The following HAUS4 variants were observed in gnomAD, a reference collection of about 807,000 sequenced individuals.
HAUS4 encodes HAUS augmin-like complex subunit 4.
Under a neutral mutation model 50.6 loss-of-function variants are expected in HAUS4, and 34 were observed. The ratio of observed to expected loss-of-function variants is 0.67; its 90% CI spans 0.51 to 0.90. The LOEUF (loss-of-function observed/expected upper bound fraction) is 0.90. Ranked by LOEUF, HAUS4 falls within the 40% of genes least tolerant of loss-of-function variation. The pLI, the probability that HAUS4 is intolerant of heterozygous loss-of-function variation, is 0.00. For missense variants in HAUS4, 370 were observed against 428.7 expected (o/e 0.86, Z 1.21); for synonymous variants, 149 against 161.4 (o/e 0.92, Z 0.58).
At chr14:22,956,517 GTTT>G (rs2044867841) in intron 1 of HAUS4, among the ~76,000 whole-genome samples, 1 of 152,246 alleles carries the variant, frequency 6.6e-6, no homozygotes, top group Admixed American at 6.5e-5. Flanking sequence ...GTCCCCTTGC[GTTT>G]TTTAGGGTGC....
intron 2 of HAUS4, among the ~76,000 whole-genome samples, chr14:22,953,567 T>G (rs1477753503): frequency 6.6e-6 from 1 of 151,986 alleles, no homozygotes; most frequent in African/African-American, 2.4e-5. Flanking sequence ...TGCCTCAGCC[T>G]CCCGAGTAGC....
rs1231182736 is a variant in HAUS4 at position 22,951,580 on chromosome 14, A to C, written c.440T>G (p.Leu147Arg). Reference protein sequence around the residue: ...PPLLGLEKADLLELMPLSEDF... With the variant: ...PPLLGLEKADRLELMPLSEDF... ...CTCTGAGAGTGGCATGAGTTCCAGA[A>C]GGTCCGCTTTCTCCAGCCCCAGCAG... The change falls in exon 5 of 10, where the codon CTT (leucine) becomes CGT (arginine). Residue 147 changes from leucine (L) to arginine (R), a missense_variant. Coordinates refer to ENST00000541587, the MANE Select transcript of HAUS4 (RefSeq NM_001166269.2). 6.2e-7 allele frequency: 1 copy of C among 1,614,036 alleles called. No individual in the cohort carries two copies. Among genetic ancestry groups the C allele is most frequent in the East Asian group, 2.2e-5 (1 of 44,880 alleles).
chr14:22,948,580 G>A (rs906488291), intron 6 of HAUS4, among the ~76,000 whole-genome samples: 6 of 151,390 alleles, frequency 4.0e-5, no homozygotes, highest in Admixed American at 2.0e-4. Context: ...CTGTCACCTC[G>A]GCCGGAGTGC....
rs769328623 is a variant in HAUS4, at chr14:22,952,478, T to A, written c.199-19A>T. Reference sequence around the variant, plus strand: ...TCCATGCCTAGAAATCCAAAAAATCTCAGGTAGGAACCTCTCTCTCAGGAT... The same window carrying A: ...TCCATGCCTAGAAATCCAAAAAATCACAGGTAGGAACCTCTCTCTCAGGAT... On this transcript the variant is annotated intron_variant, in intron 3 of 9. Transcript: ENST00000541587. The A allele has an allele frequency of 1.4e-5, 23 of 1,613,890 alleles. No homozygotes were observed. Among genetic ancestry groups the A allele is most frequent in the Non-Finnish European group, 1.8e-5 (21 of 1,179,924 alleles).
At chr14:22,956,545 C>G (rs2044868755) in intron 1 of HAUS4, among the ~76,000 whole-genome samples, 1 of 152,166 alleles carries the variant, frequency 6.6e-6, no homozygotes, top group Admixed American at 6.5e-5. Flanking sequence ...CTTTACCCTT[C>G]TTAAAGGTTA....
At chr14:22,950,827 A>G (rs2044739297) in intron 5 of HAUS4, among the ~76,000 whole-genome samples, 1 of 152,222 alleles carries the variant, frequency 6.6e-6, no homozygotes, top group African/African-American at 2.4e-5. Context: ...CAATAAGGTT[A>G]AGCAAATTAT....
At chr14:22,955,322 T>C in intron 1 of HAUS4, 146 bp from the exon 2 acceptor site, 1 of 643,954 alleles carries the variant, frequency 1.6e-6, no homozygotes, top group South Asian at 1.8e-5. Flanking sequence ...ATACCACACA[T>C]CCTGGGTCCC....
In HAUS4 at chr14:22,946,461, C is replaced by T. The variant is rs1770543038; in HGVS notation, c.*64G>A. On this transcript the variant is annotated 3_prime_UTR_variant, in exon 10 of 10. Transcript: ENST00000541587. Reference sequence around the variant, plus strand: ...AGGCAGCCCCAGGTGAAGGTGGTCCCACTAGCAGGAAGATTAGGAGGCAGC... The same window carrying T: ...AGGCAGCCCCAGGTGAAGGTGGTCCTACTAGCAGGAAGATTAGGAGGCAGC... 1.5e-6 allele frequency: 2 copies of T among 1,359,460 alleles called. No homozygotes were observed. Among genetic ancestry groups the T allele is most frequent in the Admixed American group, 4.0e-5 (2 of 50,100 alleles). The allele number at this position is 1,359,460 out of a possible 1,614,324, so 84.2% of individuals were successfully genotyped here.
At chr14:22,952,215 AC>A in intron 4 of HAUS4, 112 bp downstream of exon 4, 1 of 790,778 alleles carries the variant, frequency 1.3e-6, no homozygotes, top group South Asian at 1.6e-5. Context: ...ACGGGGTCTT[AC>A]CATGTTGGCC....
rs1457019853 is a variant in HAUS4 at position 22,946,721 on chromosome 14, G to A, written c.909-13C>T. 6.3e-7 allele frequency: 1 copy of A among 1,590,304 alleles called. No individual in the cohort carries two copies. The highest frequency in any genetic ancestry group is 1.8e-5 in the Admixed American group (1 of 56,278). On this transcript the variant is annotated splice_polypyrimidine_tract_variant and intron_variant, in intron 9 of 9. Transcript: ENST00000541587. ...CTCCAAACGGTCCCTAAGAGCCCGGGCAGAGAAGGCACAATATAAGGGTGC... is the reference window on the plus strand; with the variant it reads ...CTCCAAACGGTCCCTAAGAGCCCGGACAGAGAAGGCACAATATAAGGGTGC...
chr14:22,955,084 A>G lies in HAUS4; in HGVS notation c.55+16T>C, dbSNP rs1033330284. 3 of 1,579,828 alleles carry G rather than the reference A, an allele frequency of 1.9e-6. No individual in the cohort carries two copies. In the African/African-American group the frequency reaches 4.0e-5, roughly 21 times the overall value. On this transcript the variant is annotated intron_variant, in intron 2 of 9. Coordinates refer to ENST00000541587, the MANE Select transcript of HAUS4 (RefSeq NM_001166269.2). ...CTGGATAAATCATCAAACCTTTTGCAAGTGGCTACTCTTACCTTGTTGAAG... is the reference window on the plus strand; with the variant it reads ...CTGGATAAATCATCAAACCTTTTGCGAGTGGCTACTCTTACCTTGTTGAAG...
chr14:22,952,482 G>A, intron 3 of HAUS4, 23 bp from the exon 4 acceptor site: 1 of 1,613,782 alleles, frequency 6.2e-7, no homozygotes, highest in Non-Finnish European at 8.5e-7. Flanking sequence ...AAAATCTCAG[G>A]TAGGAACCTC....
intron 2 of HAUS4, among the ~76,000 whole-genome samples, chr14:22,953,252 C>T (rs559927992): frequency 5.3e-5 from 8 of 151,670 alleles, no homozygotes; most frequent in Non-Finnish European, 7.4e-5. Context: ...CCAGATCAAG[C>T]GATCCTTCCA....
At position 22,948,228 on chromosome 14, in the gene HAUS4, T is replaced by G. The variant is rs2044680088; in HGVS notation, c.563-215A>C. ...CTTTGGGAGGCCAAGGCAGGAGGAT[T>G]GCTTGAGCCCAAGAGTTCAAGACCG... On this transcript the variant is annotated intron_variant, in intron 6 of 9. Transcript: ENST00000541587. 11 of 530,296 alleles carry G rather than the reference T, an allele frequency of 2.1e-5. No homozygotes were observed. The East Asian group carries it at 3.4e-4, about 17-fold the overall frequency. The allele number at this position is 530,296 out of a possible 1,614,324, so 32.8% of individuals were successfully genotyped here.
Position 22,946,578 on chromosome 14 carries a change from C to T in HAUS4, c.1039G>A (p.Ala347Thr). 9 of 1,614,012 alleles carry T rather than the reference C, an allele frequency of 5.6e-6. No individual in the cohort carries two copies. Among genetic ancestry groups the T allele is most frequent in the Non-Finnish European group, 7.6e-6 (9 of 1,179,954 alleles). ...LVKEYTVLKQ[A>T]TENKRWALQE... is the part of the protein sequence containing the mutation. ...AGGGCCCACCGCTTGTTCTCTGTTG[C>T]CTGCTTGAGTACGGTGTACTCTTTC... Residue 347 changes from alanine to threonine, a missense_variant, in exon 10 of 10, where the codon GCA becomes ACA. Physicochemically the swap from Ala to Thr is moderately conservative, Grantham distance 58. Transcript: ENST00000541587.
chr14:22,947,217 A>T lies in HAUS4; in HGVS notation c.862T>A (p.Ser288Thr). The T allele has an allele frequency of 6.2e-7, 1 of 1,609,580 alleles. No homozygotes were observed. The highest frequency in any genetic ancestry group is 8.5e-7 in the Non-Finnish European group (1 of 1,175,814). The change falls in exon 9 of 10, where the codon TCC (serine) becomes ACC (threonine). Residue 288 changes from serine (S) to threonine (T), a missense_variant. Transcript: ENST00000541587. ...ACTTTCTCAACAGTGTAAGTGTCGG[A>T]CAAAATCTTTAGCTCCTCCATCCTG... Reference protein sequence around the residue: ...KLRMEELKILSDTYTVEKVEV... With the variant: ...KLRMEELKILTDTYTVEKVEV...
intron 8 of HAUS4, 67 bp from the exon 9 acceptor site, chr14:22,947,306 C>T (rs1157427115): frequency 1.9e-6 from 2 of 1,079,318 alleles, no homozygotes; most frequent in Non-Finnish European, 2.9e-6. Flanking sequence ...TGGGAATGGA[C>T]GTAGTACCTG....
Position 22,947,712 on chromosome 14 carries a change from G to A in HAUS4, c.728C>T (p.Thr243Ile). 2 of 1,614,100 alleles carry A rather than the reference G, an allele frequency of 1.2e-6. No homozygotes were observed. Among genetic ancestry groups the A allele is most frequent in the South Asian group, 2.2e-5 (2 of 91,076 alleles). ...TTCTTGAAGAAGCCTCTGCAGCAAAGTGAGGCAGCGGAGAAGCACCTGAGC... is the reference window on the plus strand; with the variant it reads ...TTCTTGAAGAAGCCTCTGCAGCAAAATGAGGCAGCGGAGAAGCACCTGAGC... ...AYSQVLLRCL[T>I]LLQRLLQEHR... The change falls in exon 8 of 10, where the codon ACT (threonine) becomes ATT (isoleucine). Residue 243 changes from threonine to isoleucine, a missense_variant. Transcript: ENST00000541587.
At chr14:22,947,299 G>A in intron 8 of HAUS4, 60 bp from the exon 9 acceptor site, 2 of 1,157,886 alleles carry the variant, frequency 1.7e-6, no homozygotes, top group Non-Finnish European at 2.6e-6. Flanking sequence ...GCAGGGTTGG[G>A]AATGGACGTA....
Sources: allele counts gnomAD v4.1 joint callset (sites outside exome capture counted in the v4.1 genomes callset), GRCh38; gene constraint gnomAD v4.1.1; transcripts MANE v1.5; gene names NCBI Gene and HGNC (gene_info 2026-07-23, HGNC 2026-07-21).